Variants in BTBD8 observed in about 807,000 individuals in gnomAD.
BTBD8 encodes BTB domain containing 8.
BTBD8 carries 110 observed loss-of-function variants against 162.9 expected under a neutral mutation model. The observed-to-expected ratio is 0.68, with a 90% confidence interval of 0.58 to 0.79. The LOEUF is 0.79. Ranked by LOEUF, BTBD8 falls within the 30% of genes least tolerant of loss-of-function variation. BTBD8 has a pLI of 0.00. For missense variants in BTBD8, 1,905 were observed against 2,085.4 expected, an observed-to-expected ratio of 0.91 and a Z score of 1.68; for synonymous variants, 667 against 716.1, an observed-to-expected ratio of 0.93 and a Z score of 1.10.
chr1:92,137,587 C>G (rs544972858), intron 5 of BTBD8, among the ~76,000 whole-genome samples: 1 of 152,170 alleles, frequency 6.6e-6, no homozygotes, highest in Admixed American at 6.5e-5. Flanking sequence ...TACTTCCTTC[C>G]TGTTCAGAAT....
At chr1:92,099,942 T>C (rs1648544511) in intron 2 of BTBD8, among the ~76,000 whole-genome samples, 1 of 152,208 alleles carries the variant, frequency 6.6e-6, no homozygotes, top group South Asian at 2.1e-4. Context: ...CTGGCTGATC[T>C]TAGGAAGAAA....
At chr1:92,135,081 G>T (rs1342936800) in intron 5 of BTBD8, among the ~76,000 whole-genome samples, 3 of 151,764 alleles carry the variant, frequency 2.0e-5, no homozygotes, top group African/African-American at 7.3e-5. Flanking sequence ...AGTAGAGACG[G>T]GGTTTCTCCA....
At position 92,088,761 on chromosome 1, in the gene BTBD8, A is replaced by T; in HGVS notation, c.213A>T (p.Ala71=). The T allele has an allele frequency of 6.2e-7, 1 of 1,613,130 alleles. No homozygotes were observed. The highest frequency in any genetic ancestry group is 1.1e-5 in the South Asian group (1 of 90,980). ...TFSVGCTLFK[A]HKAVLLARVP... ...CTGTGGGTTGTACTTTGTTCAAAGCACACAAAGCAGTCCTTTTAGCAAGAG... is the reference window on the plus strand; with the variant it reads ...CTGTGGGTTGTACTTTGTTCAAAGCTCACAAAGCAGTCCTTTTAGCAAGAG... Residue 71 remains alanine (A), a synonymous_variant, in exon 2 of 18, where the codon GCA becomes GCT. Transcript: ENST00000636805.
intron 2 of BTBD8, among the ~76,000 whole-genome samples, chr1:92,089,358 C>A (rs972287568): frequency 6.6e-6 from 1 of 152,142 alleles, no homozygotes; most frequent in Non-Finnish European, 1.5e-5. Context: ...TAATTGCCCC[C>A]TCTTGAGAAC....
intron 5 of BTBD8, among the ~76,000 whole-genome samples, chr1:92,138,531 A>G (rs1238623108): frequency 1.3e-5 from 2 of 152,238 alleles, no homozygotes; most frequent in Non-Finnish European, 2.9e-5. Context: ...TTGAATCTGC[A>G]TGGCAGATAT....
At position 92,168,998 on chromosome 1, in the gene BTBD8, A is replaced by G. The variant is rs764269086; in HGVS notation, c.1573+3A>G. On this transcript the variant is annotated splice_donor_region_variant and intron_variant, in intron 12 of 17. Coordinates refer to ENST00000636805, the MANE Select transcript of BTBD8 (RefSeq NM_001376131.1). Reference sequence around the variant, plus strand: ...TGATCAACAGAAAATCCAAGCAGGTACGTTAGCCTTGAGATATTTCAATTC... The same window carrying G: ...TGATCAACAGAAAATCCAAGCAGGTGCGTTAGCCTTGAGATATTTCAATTC... The G allele has an allele frequency of 3.9e-6, 6 of 1,523,620 alleles. No homozygotes were observed. In the South Asian group the frequency reaches 6.1e-5, roughly 16 times the overall value. 94.4% of individuals were successfully genotyped at this position (1,523,620 alleles called of 1,614,324 possible).
Position 92,167,986 on chromosome 1 carries a change from G to A in BTBD8, c.1443+1G>A. On this transcript the variant is annotated splice_donor_variant, in intron 11 of 17. Transcript: ENST00000636805. LOFTEE classifies it high-confidence loss of function. ...GAACTCTGACAGTACAAAGGAAATG[G>A]TACTGAATGTAATGAAATTTATTAA... 6.5e-7 allele frequency: 1 copy of A among 1,530,088 alleles called. No homozygotes were observed. Among genetic ancestry groups the A allele is most frequent in the Admixed American group, 2.1e-5 (1 of 47,708 alleles). 94.8% of individuals were successfully genotyped at this position (1,530,088 alleles called of 1,614,324 possible).
At chr1:92,086,001 G>C (rs1648149623) in intron 1 of BTBD8, among the ~76,000 whole-genome samples, 1 of 152,196 alleles carries the variant, frequency 6.6e-6, no homozygotes. Context: ...TGAGGATGTA[G>C]GGGTTGAAAG....
At chr1:92,115,294 C>A in intron 4 of BTBD8, 1 of 458,378 alleles carries the variant, frequency 2.2e-6, no homozygotes. Context: ...CCTGATTCCT[C>A]CCATGATGCC....
At chr1:92,111,595 T>C (rs1360673481) in intron 4 of BTBD8, among the ~76,000 whole-genome samples, 1 of 152,214 alleles carries the variant, frequency 6.6e-6, no homozygotes, top group East Asian at 1.9e-4. Flanking sequence ...CCACCACTTA[T>C]TAATTGTTGA....
chr1:92,091,976 A>G (rs7542736), intron 2 of BTBD8, among the ~76,000 whole-genome samples: 8,898 of 152,134 alleles, frequency 0.058, 683 homozygotes, highest in African/African-American at 0.18. Context: ...GTGGACTGCA[A>G]TTGTCTCCAC....
rs1380587815 is a variant in BTBD8 at position 92,177,502 on chromosome 1, A to T, written c.2309A>T (p.Gln770Leu). ...HKLSFCDSPG[Q>L]MMKNSVDSVK... is the part of the protein sequence containing the mutation. ...CTATCCTTTTGTGATTCTCCAGGAC[A>T]GATGATGAAAAACAGTGTAGATAGT... The change falls in exon 14 of 18, where the codon CAG becomes CTG. Residue 770 changes from glutamine (Q) to leucine (L), a missense_variant. Transcript: ENST00000636805. 5.2e-6 allele frequency: 8 copies of T among 1,550,208 alleles called. No homozygotes were observed. The highest frequency in any genetic ancestry group is 6.1e-6 in the Non-Finnish European group (7 of 1,146,604).
chr1:92,110,954 C>A (rs1648875241), intron 4 of BTBD8, among the ~76,000 whole-genome samples: 1 of 149,932 alleles, frequency 6.7e-6, no homozygotes, highest in Non-Finnish European at 1.5e-5. Flanking sequence ...AATTAAAATT[C>A]TCTTATGCTG....
intron 13 of BTBD8, among the ~76,000 whole-genome samples, chr1:92,174,496 ACC>A (rs1229999969): frequency 3.3e-5 from 5 of 152,118 alleles, no homozygotes; most frequent in African/African-American, 9.7e-5. Flanking sequence ...TATAGATTTC[ACC>A]CATAGCGTAA....
chr1:92,108,541 T>A lies in BTBD8; in HGVS notation c.662+540T>A, dbSNP rs573093653. 1.1e-4 allele frequency among the ~76,000 whole-genome samples: 17 copies of A among 152,334 alleles called. No individual in the cohort carries two copies. In the South Asian group the frequency reaches 3.5e-3, roughly 32 times the overall value. ...AGGTTTAATATTTCAATGTACTTTT[T>A]AAAAACCATTGTTCTGCTTCAGAAT... On this transcript the variant is annotated intron_variant, in intron 4 of 17. Coordinates refer to ENST00000636805, the MANE Select transcript of BTBD8 (RefSeq NM_001376131.1).
chr1:92,139,285 A>G, intron 5 of BTBD8, 65 bp from the exon 6 acceptor site: 3 of 1,494,324 alleles, frequency 2.0e-6, no homozygotes, highest in Non-Finnish European at 2.7e-6. Flanking sequence ...TTATGGGAAA[A>G]TAGAATGAAT....
intron 13 of BTBD8, among the ~76,000 whole-genome samples, chr1:92,175,936 G>A (rs1165383462): frequency 6.6e-6 from 1 of 152,142 alleles, no homozygotes; most frequent in Non-Finnish European, 1.5e-5. Context: ...AAGTAGGTAT[G>A]TTTATCTTCA....
chr1:92,115,496 A>T (rs1299607252), intron 4 of BTBD8: 8 of 433,718 alleles, frequency 1.8e-5, no homozygotes, highest in African/African-American at 2.1e-5. Flanking sequence ...TCTCCACGGT[A>T]GTGAAGATGC....
intron 2 of BTBD8, among the ~76,000 whole-genome samples, chr1:92,089,860 A>G (rs1648253174): frequency 1.3e-5 from 2 of 152,186 alleles, no homozygotes; most frequent in Non-Finnish European, 2.9e-5. Context: ...TTGTTTTTTG[A>G]GAACAGAACA....
Sources: gnomAD v4.1 joint callset for allele counts (sites outside exome capture counted in the v4.1 genomes callset) on GRCh38, gnomAD v4.1.1 for gene constraint, MANE v1.5 for transcripts, NCBI Gene and HGNC (gene_info 2026-07-23, HGNC 2026-07-21) for gene names.